The following GNAQ variants were observed in gnomAD, a reference collection of about 807,000 sequenced individuals.
GNAQ encodes the protein guanine nucleotide-binding protein G(q) subunit alpha.
In GNAQ, 8 loss-of-function variants were observed where a neutral mutation model predicts 43.9. The ratio of observed to expected loss-of-function variants is 0.18; its 90% CI spans 0.11 to 0.33. GNAQ has a LOEUF of 0.33. Among genes scored for constraint, GNAQ ranks in the 10% least tolerant of loss-of-function variants. GNAQ has a pLI of 1.00. For synonymous variants in GNAQ, 155 were observed against 170.7 expected (o/e 0.91, Z 0.71); for missense variants, 158 against 450.8 (o/e 0.35, Z 5.88).
intron 2 of GNAQ, among the ~76,000 whole-genome samples, chr9:77,856,245 T>A (rs1827752618): frequency 6.6e-6 from 1 of 152,108 alleles, no homozygotes; most frequent in Non-Finnish European, 1.5e-5. Flanking sequence ...GTATCTAGGT[T>A]CTCCATCTTG....
intron 2 of GNAQ, among the ~76,000 whole-genome samples, chr9:77,844,173 G>C (rs1827541834): frequency 2.0e-5 from 3 of 152,090 alleles, no homozygotes; most frequent in South Asian, 2.1e-4. Flanking sequence ...AGAAGGTTGT[G>C]GTGCACTAAT....
intron 4 of GNAQ, among the ~76,000 whole-genome samples, chr9:77,795,241 C>CAAGA (rs1317128222): frequency 6.6e-6 from 1 of 152,142 alleles, no homozygotes; most frequent in Non-Finnish European, 1.5e-5. Context: ...CTACAAGGTA[C>CAAGA]AAGACGGAGG....
At chr9:77,804,391 G>GT (rs541899200) in intron 3 of GNAQ, among the ~76,000 whole-genome samples, 177 of 152,302 alleles carry the variant, frequency 1.2e-3, no homozygotes, top group African/African-American at 3.9e-3. Flanking sequence ...TAAGCCAGGT[G>GT]TGGCGGCATG....
At chr9:77,788,692 TCAAA>T (rs1358176827) in intron 5 of GNAQ, among the ~76,000 whole-genome samples, 7 of 152,230 alleles carry the variant, frequency 4.6e-5, no homozygotes, top group African/African-American at 7.2e-5. Flanking sequence ...TTTCTCTCAC[TCAAA>T]CAGTTTATAG....
At chr9:77,804,902 C>A (rs1329085998) in intron 3 of GNAQ, among the ~76,000 whole-genome samples, 1 of 152,022 alleles carries the variant, frequency 6.6e-6, no homozygotes, top group Middle Eastern at 3.4e-3. Context: ...TTAAGAAGAC[C>A]TCATTGTGAG....
chr9:77,895,213 A>C (rs999966888), intron 2 of GNAQ, among the ~76,000 whole-genome samples: 3 of 142,006 alleles, frequency 2.1e-5, no homozygotes, highest in South Asian at 2.3e-4. Context: ...AAAAAAAAAA[A>C]CAGAATGGCA....
At chr9:77,781,612 C>T (rs1030167908) in intron 5 of GNAQ, among the ~76,000 whole-genome samples, 1 of 151,924 alleles carries the variant, frequency 6.6e-6, no homozygotes, top group Non-Finnish European at 1.5e-5. Flanking sequence ...AAATTCCCAA[C>T]AAAATATTAG....
chr9:77,755,058 A>C (rs973564125), intron 5 of GNAQ, among the ~76,000 whole-genome samples: 3 of 152,342 alleles, frequency 2.0e-5, no homozygotes, highest in Non-Finnish European at 4.4e-5. Context: ...CTTAAAAAAG[A>C]ATGAGATCCT....
At chr9:77,741,126 CAG>C (rs1162665744) in intron 5 of GNAQ, among the ~76,000 whole-genome samples, 6 of 152,162 alleles carry the variant, frequency 3.9e-5, no homozygotes, top group Non-Finnish European at 8.8e-5. Context: ...TGTACAATAA[CAG>C]ACAGTGGGCT....
intron 5 of GNAQ, among the ~76,000 whole-genome samples, chr9:77,733,144 T>C (rs1320898112): frequency 1.3e-5 from 2 of 152,148 alleles, no homozygotes; most frequent in African/African-American, 2.4e-5. Context: ...GGGAGAAAGA[T>C]GGGTACCTGC....
chr9:77,739,686 A>G (rs746229283), intron 5 of GNAQ, among the ~76,000 whole-genome samples: 10 of 152,208 alleles, frequency 6.6e-5, no homozygotes, highest in Non-Finnish European at 1.2e-4. Flanking sequence ...GCCACTGCCC[A>G]TCCTGAAATA....
Position 77,786,744 on chromosome 9 carries a change from C to T in GNAQ, c.735+7719G>A, listed in dbSNP as rs576233473. Reference sequence around the variant, plus strand: ...AGACATTGCTGAGAGGGTAAATTTGCTCATTTATTGTGGAAAAATACTTTG... The same window carrying T: ...AGACATTGCTGAGAGGGTAAATTTGTTCATTTATTGTGGAAAAATACTTTG... On this transcript the variant is annotated intron_variant, in intron 5 of 6. Transcript: ENST00000286548. Among the ~76,000 whole-genome samples the T allele has an allele frequency of 2.6e-5, 4 of 152,266 alleles. No individual in the cohort carries two copies. In the East Asian group the frequency reaches 7.7e-4, roughly 29 times the overall value.
intron 2 of GNAQ, among the ~76,000 whole-genome samples, chr9:77,882,219 C>T (rs922658930): frequency 6.6e-6 from 1 of 152,078 alleles, no homozygotes; most frequent in African/African-American, 2.4e-5. Flanking sequence ...TTTATGAAAA[C>T]CAGAAGACCC....
intron 1 of GNAQ, among the ~76,000 whole-genome samples, chr9:77,987,710 T>C (rs1050835246): frequency 3.9e-5 from 6 of 151,992 alleles, no homozygotes; most frequent in African/African-American, 1.4e-4. Flanking sequence ...GCTTCTAGTA[T>C]TCGGAAAATA....
chr9:77,850,048 T>C (rs1298821051), intron 2 of GNAQ, among the ~76,000 whole-genome samples: 1 of 152,206 alleles, frequency 6.6e-6, no homozygotes, highest in Non-Finnish European at 1.5e-5. Context: ...AGTGGCACCT[T>C]ACCTATTCAG....
Position 77,981,077 on chromosome 9 carries a change from ACCC to A in GNAQ, c.136+50020_136+50022del, listed in dbSNP as rs766693307. On this transcript the variant is annotated intron_variant, in intron 1 of 6. Transcript: ENST00000286548. The stretch of plus-strand genomic sequence containing the variant: ...GTGAGTGGTGAGGTGTTAGATTCAG[ACCC>A]CCCATTTAAATACACGGATTTTTCC... 9.2e-5 allele frequency among the ~76,000 whole-genome samples: 14 copies of A among 152,100 alleles called. No individual in the cohort carries two copies. The East Asian group carries it at 2.1e-3, about 23-fold the overall frequency.
chr9:77,865,172 T>G (rs1448959157), intron 2 of GNAQ, among the ~76,000 whole-genome samples: 1 of 152,238 alleles, frequency 6.6e-6, no homozygotes, highest in Non-Finnish European at 1.5e-5. Context: ...TCTTCCATAC[T>G]TCTTTTCCTA....
chr9:77,784,963 T>C (rs1587915350), intron 5 of GNAQ, among the ~76,000 whole-genome samples: 1 of 152,348 alleles, frequency 6.6e-6, no homozygotes, highest in East Asian at 1.9e-4. Flanking sequence ...ATGGATCAAA[T>C]AGAACACATA....
At chr9:78,007,077 C>T (rs1414360685) in intron 1 of GNAQ, among the ~76,000 whole-genome samples, 1 of 151,820 alleles carries the variant, frequency 6.6e-6, no homozygotes, top group Non-Finnish European at 1.5e-5. Flanking sequence ...TCAGACTGCA[C>T]TTGTACCTAA....
Sources: gnomAD v4.1 joint callset for allele counts (sites outside exome capture counted in the v4.1 genomes callset) on GRCh38, gnomAD v4.1.1 for gene constraint, MANE v1.5 for transcripts, NCBI Gene and HGNC (gene_info 2026-07-23, HGNC 2026-07-21) for gene names.